MORC1: variants seen among roughly 807,000 people sequenced by gnomAD.
MORC1 encodes MORC family CW-type zinc finger 1, also known as MORC family CW-type zinc finger protein 1.
MORC1 carries 59 observed loss-of-function variants against 134.9 expected under a neutral mutation model. The ratio of observed to expected loss-of-function variants is 0.44; its 90% confidence interval spans 0.35 to 0.54. The LOEUF (loss-of-function observed/expected upper bound fraction) is 0.54. MORC1 is among the 20% of genes least tolerant of loss of function. MORC1 has a pLI of 0.00. For missense variants in MORC1, 947 were observed against 1,134.5 expected (o/e 0.83, Z 2.37); for synonymous variants, 395 against 391.7 (o/e 1.01, Z -0.10).
At chr3:109,064,232 A>T (rs946444805) in intron 9 of MORC1, among the ~76,000 whole-genome samples, 1 of 152,196 alleles carries the variant, frequency 6.6e-6, no homozygotes, top group African/African-American at 2.4e-5. Flanking sequence ...AACATTATAG[A>T]TTGCTATAGC....
intron 9 of MORC1, 36 bp from the exon 10 acceptor site, chr3:109,063,267 TTA>T (rs756997793): frequency 7.4e-7 from 1 of 1,354,752 alleles, no homozygotes; most frequent in South Asian, 1.2e-5. Flanking sequence ...TCAAGTCAGA[TTA>T]TCATTTTAAA....
At chr3:109,075,018 G>C (rs1415354341) in intron 8 of MORC1, among the ~76,000 whole-genome samples, 1 of 152,118 alleles carries the variant, frequency 6.6e-6, no homozygotes, top group African/African-American at 2.4e-5. Context: ...TATCAACCTA[G>C]AGTTCTGGTC....
At chr3:109,059,157 T>C (rs553704962) in intron 12 of MORC1, among the ~76,000 whole-genome samples, 2 of 152,254 alleles carry the variant, frequency 1.3e-5, no homozygotes, top group Admixed American at 1.3e-4. Context: ...AAAAATAATG[T>C]TAAGAACTAA....
At chr3:109,060,191 T>C (rs574602965) in intron 11 of MORC1, among the ~76,000 whole-genome samples, 1 of 152,048 alleles carries the variant, frequency 6.6e-6, no homozygotes, top group East Asian at 1.9e-4. Flanking sequence ...TTATTTAGTG[T>C]ACCCAGGCTC....
chr3:109,052,572 T>C (rs1188549453), intron 14 of MORC1, among the ~76,000 whole-genome samples: 2 of 152,188 alleles, frequency 1.3e-5, no homozygotes, highest in Non-Finnish European at 2.9e-5. Flanking sequence ...CCTTTCATAA[T>C]TTCCCACTGA....
At chr3:108,997,225 T>C (rs927872554) in intron 21 of MORC1, among the ~76,000 whole-genome samples, 2 of 151,926 alleles carry the variant, frequency 1.3e-5, no homozygotes, top group African/African-American at 4.8e-5. Flanking sequence ...ACAAGAAGAA[T>C]GTGGTTTTTA....
chr3:108,991,502 T>C (rs1186243403), intron 21 of MORC1, among the ~76,000 whole-genome samples: 1 of 152,124 alleles, frequency 6.6e-6, no homozygotes, highest in Non-Finnish European at 1.5e-5. Context: ...CATGAAGATA[T>C]TTCTTGGAAT....
intron 20 of MORC1, among the ~76,000 whole-genome samples, chr3:109,004,307 T>C (rs1242555973): frequency 1.3e-5 from 2 of 152,300 alleles, no homozygotes; most frequent in Middle Eastern, 3.4e-3. Flanking sequence ...ATTTAATTTG[T>C]GGAAATAGTA....
Position 109,001,148 on chromosome 3 carries a change from T to C in MORC1, c.2086-490A>G, listed in dbSNP as rs142183398. On this transcript the variant is annotated intron_variant, in intron 20 of 27. Coordinates refer to ENST00000232603, the MANE Select transcript of MORC1 (RefSeq NM_014429.4). ...TATCTTTCTTTTTATTTTTATTTTT[T>C]TTGAGATGGAGTTTCGCTCTTTCAC... Among the ~76,000 whole-genome samples, 1,003 of 152,208 alleles carry C rather than the reference T, an allele frequency of 6.6e-3. 14 individuals carry two copies. Among genetic ancestry groups the C allele is most frequent in the African/African-American group, 0.023 (970 of 41,546 alleles).
At chr3:109,031,851 G>A (rs1949248474) in intron 16 of MORC1, among the ~76,000 whole-genome samples, 1 of 152,038 alleles carries the variant, frequency 6.6e-6, no homozygotes, top group Admixed American at 6.6e-5. Context: ...GGAAAAACAA[G>A]GTTGCATTGC....
intron 21 of MORC1, among the ~76,000 whole-genome samples, chr3:108,996,041 G>C (rs756025623): frequency 6.6e-6 from 1 of 152,158 alleles, no homozygotes; most frequent in African/African-American, 2.4e-5. Flanking sequence ...ACAAAAGGAG[G>C]AGCAAAGTCA....
intron 8 of MORC1, among the ~76,000 whole-genome samples, chr3:109,092,294 C>G (rs34285404): frequency 6.6e-6 from 1 of 151,858 alleles, no homozygotes; most frequent in East Asian, 1.9e-4. Flanking sequence ...TGTTGGAATA[C>G]GAGAAAAAAC....
At chr3:109,004,590 A>T (rs547755623) in intron 20 of MORC1, among the ~76,000 whole-genome samples, 2 of 152,208 alleles carry the variant, frequency 1.3e-5, no homozygotes, top group Non-Finnish European at 2.9e-5. Context: ...ACTCATTTGG[A>T]CACATGAAAA....
intron 6 of MORC1, 93 bp from the exon 7 acceptor site, chr3:109,095,161 A>G (rs1478256046): frequency 2.5e-6 from 3 of 1,212,564 alleles, no homozygotes; most frequent in Non-Finnish European, 3.4e-6. Flanking sequence ...TCATCTAGAC[A>G]AATTACAAAA....
intron 17 of MORC1, among the ~76,000 whole-genome samples, chr3:109,023,703 G>C (rs1029156548): frequency 6.6e-6 from 1 of 152,234 alleles, no homozygotes; most frequent in Admixed American, 6.5e-5. Context: ...ATTTGAGAAC[G>C]GAGAGGTCCT....
intron 8 of MORC1, among the ~76,000 whole-genome samples, chr3:109,089,247 A>G (rs1950672676): frequency 6.6e-6 from 1 of 152,134 alleles, no homozygotes; most frequent in African/African-American, 2.4e-5. Context: ...CTTAGATCCA[A>G]TTCAGTGGCA....
intron 8 of MORC1, among the ~76,000 whole-genome samples, chr3:109,078,509 G>C (rs943742915): frequency 6.6e-6 from 1 of 151,874 alleles, no homozygotes; most frequent in Non-Finnish European, 1.5e-5. Flanking sequence ...ACAACAGTAA[G>C]AGTTCTATAT....
chr3:109,035,540 G>T, intron 14 of MORC1, 72 bp from the exon 15 acceptor site: 1 of 939,340 alleles, frequency 1.1e-6, no homozygotes, highest in Non-Finnish European at 1.6e-6. Flanking sequence ...GCAAAGGGAA[G>T]TTTGTATATA....
In MORC1 at chr3:109,069,589, T is replaced by C. The variant is rs1300909150; in HGVS notation, c.815+43A>G. On this transcript the variant is annotated intron_variant, in intron 9 of 27. Coordinates refer to ENST00000232603, the MANE Select transcript of MORC1 (RefSeq NM_014429.4). ...AACTTTGGGGAGCATATCAATTTTA[T>C]AAATAAAAACTCTGTGAAGATAACT... The C allele has an allele frequency of 2.0e-6, 3 of 1,505,430 alleles. No homozygotes were observed. The East Asian group carries it at 6.9e-5, about 35-fold the overall frequency. The allele number at this position is 1,505,430 out of a possible 1,614,324, so 93.3% of individuals were successfully genotyped here.
Sources: gnomAD v4.1 joint callset for allele counts (sites outside exome capture counted in the v4.1 genomes callset) on GRCh38, gnomAD v4.1.1 for gene constraint, MANE v1.5 for transcripts, NCBI Gene and HGNC (gene_info 2026-07-23, HGNC 2026-07-21) for gene names.